The following SNTB1 variants were observed in gnomAD, a reference collection of about 807,000 sequenced individuals.
The protein encoded by SNTB1 is beta-1-syntrophin.
SNTB1 carries 36 observed loss-of-function variants against 48.9 expected under a neutral mutation model. The ratio of observed to expected loss-of-function variants is 0.74; its 90% CI spans 0.56 to 0.97. The LOEUF is 0.97. SNTB1 is among the 50% of genes least tolerant of loss of function. The pLI is 0.00. For missense variants in SNTB1, 786 were observed against 703.4 expected (o/e 1.12, Z -1.33); for synonymous variants, 299 against 294.6 (o/e 1.01, Z -0.15).
intron 3 of SNTB1, among the ~76,000 whole-genome samples, chr8:120,613,223 C>T (rs546091115): frequency 3.9e-5 from 6 of 152,074 alleles, no homozygotes; most frequent in South Asian, 2.1e-4. Flanking sequence ...TGGTGGTGGG[C>T]GCCTATAATC....
intron 2 of SNTB1, among the ~76,000 whole-genome samples, chr8:120,662,225 C>G (rs975819514): frequency 4.2e-4 from 64 of 152,244 alleles, no homozygotes; most frequent in African/African-American, 1.5e-3. Flanking sequence ...ACTATCTAGA[C>G]AAGTTTTAAA....
At chr8:120,748,040 A>C (rs1310596422) in intron 1 of SNTB1, among the ~76,000 whole-genome samples, 3 of 152,174 alleles carry the variant, frequency 2.0e-5, no homozygotes, top group African/African-American at 7.2e-5. Context: ...TCTTGAATGG[A>C]CTTGTTTGCC....
chr8:120,792,612 T>C (rs1197955946), intron 1 of SNTB1, among the ~76,000 whole-genome samples: 3 of 152,016 alleles, frequency 2.0e-5, no homozygotes, highest in Non-Finnish European at 4.4e-5. Context: ...AGTCCTATAT[T>C]TTACAGTGTT....
chr8:120,638,982 GT>G (rs1443646953), intron 2 of SNTB1, among the ~76,000 whole-genome samples: 3 of 152,222 alleles, frequency 2.0e-5, no homozygotes, highest in Non-Finnish European at 2.9e-5. Context: ...TTCCACAATG[GT>G]TGAACTAGTT....
At chr8:120,579,362 C>T (rs754625889) in intron 3 of SNTB1, among the ~76,000 whole-genome samples, 1 of 152,160 alleles carries the variant, frequency 6.6e-6, no homozygotes, top group Non-Finnish European at 1.5e-5. Flanking sequence ...AGTTTGAAAA[C>T]TGATCTTGTC....
At chr8:120,738,025 C>G (rs78718662) in intron 1 of SNTB1, among the ~76,000 whole-genome samples, 11,894 of 152,148 alleles carry the variant, frequency 0.078, 460 homozygotes, top group Admixed American at 0.1. Context: ...TCCTAACTCC[C>G]AGGGTGATAG....
At chr8:120,542,044 G>A (rs776812982) in intron 5 of SNTB1, 44 bp from the exon 6 acceptor site, 4 of 1,504,502 alleles carry the variant, frequency 2.7e-6, no homozygotes, top group Non-Finnish European at 3.6e-6. Flanking sequence ...ATGAACCATG[G>A]CAATCAATCC....
intron 2 of SNTB1, among the ~76,000 whole-genome samples, chr8:120,648,853 G>T (rs1563841403): frequency 6.6e-6 from 1 of 152,238 alleles, no homozygotes; most frequent in South Asian, 2.1e-4. Context: ...TTTCTTGGAG[G>T]CTTTGTTCAT....
intron 4 of SNTB1, among the ~76,000 whole-genome samples, chr8:120,555,229 T>G (rs2130660008): frequency 6.6e-6 from 1 of 152,244 alleles, no homozygotes; most frequent in Middle Eastern, 3.4e-3. Context: ...GAGTGGAGGT[T>G]TAATAGGTAG....
chr8:120,643,470 G>A (rs547215897), intron 2 of SNTB1, among the ~76,000 whole-genome samples: 1 of 152,076 alleles, frequency 6.6e-6, no homozygotes, highest in African/African-American at 2.4e-5. Flanking sequence ...TCATTCTTCT[G>A]CCTTTGCATT....
In SNTB1 at chr8:120,699,607, G is replaced by A. The variant is rs1452518746; in HGVS notation, c.572-5699C>T. 2.6e-5 allele frequency among the ~76,000 whole-genome samples: 4 copies of A among 152,322 alleles called. No homozygotes were observed. In the East Asian group the frequency reaches 7.7e-4, roughly 29 times the overall value. ...TCCTGTCCAGCCTGCAGCACCGTGA[G>A]CCAATTAAACCTCTTTCCTTTATAA... On this transcript the variant is annotated intron_variant, in intron 1 of 6. Transcript: ENST00000517992.
chr8:120,794,875 T>C (rs1007802747), intron 1 of SNTB1, among the ~76,000 whole-genome samples: 5 of 152,020 alleles, frequency 3.3e-5, no homozygotes, highest in African/African-American at 1.2e-4. Flanking sequence ...AGCTTCTTGG[T>C]TTACCATTAT....
At chr8:120,780,289 T>C (rs1819812937) in intron 1 of SNTB1, among the ~76,000 whole-genome samples, 1 of 152,216 alleles carries the variant, frequency 6.6e-6, no homozygotes, top group South Asian at 2.1e-4. Context: ...ATATCTCTTC[T>C]TAAGCTATGC....
chr8:120,811,493 C>T lies in SNTB1; in HGVS notation c.351G>A (p.Lys117=), dbSNP rs1337875626. The T allele has an allele frequency of 1.2e-6, 2 of 1,613,866 alleles. No individual in the cohort carries two copies. The highest frequency in any genetic ancestry group is 1.7e-5 in the Admixed American group (1 of 60,004). The change falls in exon 1 of 7, where the codon AAG becomes AAA. Residue 117 remains lysine, a synonymous_variant. Transcript: ENST00000517992. ...TGATCCCCAGCCCGCCCAGCTCCTG[C>T]TTCAGCACCTTCACGCCACGCTTCT... ...SNQKRGVKVL[K]QELGGLGISI...
chr8:120,605,421 T>C lies in SNTB1; in HGVS notation c.996+27023A>G, dbSNP rs1587024583. On this transcript the variant is annotated intron_variant, in intron 3 of 6. Transcript: ENST00000517992. The stretch of plus-strand genomic sequence containing the variant: ...GGGAATCTGTAGTTTCCAGTGATAT[T>C]ACCACGTCTAACTGTGCTTTTTAAG... Among the ~76,000 whole-genome samples, 4 of 152,356 alleles carry C rather than the reference T, an allele frequency of 2.6e-5. 1 individual carries two copies. The highest frequency in any genetic ancestry group is 2.6e-4 in the Admixed American group (4 of 15,312).
intron 3 of SNTB1, among the ~76,000 whole-genome samples, chr8:120,614,678 T>C (rs973657054): frequency 2.0e-5 from 3 of 152,132 alleles, no homozygotes; most frequent in African/African-American, 7.2e-5. Context: ...ATAAAAGCCA[T>C]TATCGGACTC....
chr8:120,811,817 C>T lies in SNTB1; in HGVS notation c.27G>A (p.Ala9=), dbSNP rs747257895. The T allele has an allele frequency of 3.5e-5, 45 of 1,279,438 alleles. No individual in the cohort carries two copies. In the African/African-American group the frequency reaches 6.1e-4, roughly 17 times the overall value. The allele number at this position is 1,279,438 out of a possible 1,614,324, so 79.3% of individuals were successfully genotyped here. ...CGCCTCCCGCGCCAGCCGGCCCAGC[C>T]GCCGCCGCCGCCGCCGCTACCGCCA... MAVAAAAA[A]AGPAGAGGGR... Residue 9 remains alanine (A), a synonymous_variant, in exon 1 of 7, where the codon GCG becomes GCA. Transcript: ENST00000517992.
At chr8:120,642,269 T>G (rs1273671113) in intron 2 of SNTB1, among the ~76,000 whole-genome samples, 6 of 152,238 alleles carry the variant, frequency 3.9e-5, no homozygotes, top group Non-Finnish European at 5.9e-5. Context: ...AGAGGCCTGT[T>G]GCTTTTTATC....
chr8:120,587,632 G>C (rs1816169786), intron 3 of SNTB1, among the ~76,000 whole-genome samples: 1 of 152,248 alleles, frequency 6.6e-6, no homozygotes, highest in African/African-American at 2.4e-5. Context: ...GGCTCCCCCA[G>C]TGAATGCTGT....
Sources: allele counts gnomAD v4.1 joint callset (sites outside exome capture counted in the v4.1 genomes callset), GRCh38; gene constraint gnomAD v4.1.1; transcripts MANE v1.5; gene names NCBI Gene and HGNC (gene_info 2026-07-23, HGNC 2026-07-21).